The following ADAMTS17 variants were observed in gnomAD, a reference collection of about 807,000 sequenced individuals.
The protein encoded by ADAMTS17 is ADAM metallopeptidase with thrombospondin type 1 motif 17.
A neutral mutation model predicts 141.5 loss-of-function variants in ADAMTS17; 113 were observed. That is an observed-to-expected ratio of 0.80 (90% confidence interval 0.69 to 0.93). The LOEUF is 0.93. Ranked by LOEUF, ADAMTS17 falls within the 40% of genes least tolerant of loss-of-function variation. ADAMTS17 has a pLI of 0.00. For missense variants in ADAMTS17, 1,659 were observed against 1,517.9 expected (o/e 1.09, Z -1.54); for synonymous variants, 768 against 630.6 (o/e 1.22, Z -3.27).
intron 20 of ADAMTS17, among the ~76,000 whole-genome samples, chr15:99,986,583 C>T (rs2060591403): frequency 6.6e-6 from 1 of 152,172 alleles, no homozygotes; most frequent in African/African-American, 2.4e-5. Flanking sequence ...GGTCAACGAT[C>T]ACTTTCTTCT....
intron 15 of ADAMTS17, among the ~76,000 whole-genome samples, chr15:100,062,121 C>T (rs1165769618): frequency 3.3e-5 from 5 of 152,196 alleles, no homozygotes; most frequent in African/African-American, 1.2e-4. Context: ...AGAGTGACAG[C>T]TGGGACAGCT....
At chr15:100,133,051 G>C (rs950758168) in intron 11 of ADAMTS17, among the ~76,000 whole-genome samples, 163 bp downstream of exon 11, 1 of 152,226 alleles carries the variant, frequency 6.6e-6, no homozygotes, top group Non-Finnish European at 1.5e-5. Context: ...AGGTGATGTA[G>C]GCACCACTCT....
chr15:100,310,325 C>T (rs1288112003), intron 3 of ADAMTS17, among the ~76,000 whole-genome samples: 1 of 152,238 alleles, frequency 6.6e-6, no homozygotes, highest in Non-Finnish European at 1.5e-5. Flanking sequence ...CCCCCAAAAG[C>T]ACAGTGAGAG....
At chr15:100,051,830 T>A (rs545944834) in intron 16 of ADAMTS17, 99 bp from the exon 17 acceptor site, 1 of 1,475,438 alleles carries the variant, frequency 6.8e-7, no homozygotes, top group South Asian at 1.1e-5. Context: ...TGTTTCTTTA[T>A]GAGGGGTAAC....
At position 100,063,878 on chromosome 15, in the gene ADAMTS17, G is replaced by A. The variant is rs952476027; in HGVS notation, c.2138-9824C>T. The A allele has an allele frequency of 4.9e-6, 3 of 611,108 alleles. No homozygotes were observed. The African/African-American group carries it at 5.7e-5, about 12-fold the overall frequency. The allele number at this position is 611,108 out of a possible 1,614,324, so 37.9% of individuals were successfully genotyped here. On this transcript the variant is annotated intron_variant, in intron 15 of 21. Coordinates refer to ENST00000268070, the MANE Select transcript of ADAMTS17 (RefSeq NM_139057.4). ...CCCACAGTGGCTTCAGAAATGGAGG[G>A]CTGGCGCAGAAGAAGGAGGCTCTCC...
intron 7 of ADAMTS17, among the ~76,000 whole-genome samples, chr15:100,240,989 C>T (rs998764881): frequency 2.6e-5 from 4 of 152,108 alleles, no homozygotes; most frequent in African/African-American, 7.2e-5. Flanking sequence ...CCAAGCCCAC[C>T]TATTTTTTGT....
At chr15:100,191,342 C>A (rs921350661) in intron 8 of ADAMTS17, among the ~76,000 whole-genome samples, 3 of 152,248 alleles carry the variant, frequency 2.0e-5, no homozygotes, top group African/African-American at 4.8e-5. Flanking sequence ...TGAGCTCCAG[C>A]CAACAGCTGT....
intron 7 of ADAMTS17, among the ~76,000 whole-genome samples, chr15:100,228,484 A>G (rs1470978804): frequency 6.6e-6 from 1 of 152,202 alleles, no homozygotes; most frequent in Non-Finnish European, 1.5e-5. Context: ...TTATTGATCA[A>G]TTAGTGCATT....
At chr15:100,254,748 A>G (rs1270522044) in intron 6 of ADAMTS17, among the ~76,000 whole-genome samples, 2 of 152,240 alleles carry the variant, frequency 1.3e-5, no homozygotes, top group African/African-American at 4.8e-5. Context: ...GCAGAAACAG[A>G]AAAGCAAACA....
At chr15:100,195,613 C>CAAAAAAAAAAAAAAA (rs71287815) in intron 8 of ADAMTS17, among the ~76,000 whole-genome samples, 1 of 63,646 alleles carries the variant, frequency 1.6e-5, no homozygotes, top group Non-Finnish European at 3.0e-5. Flanking sequence ...TGTTTGGTCT[C>CAAAAAAAAAAAAAAA]AAAAAAAAAA....
Position 99,997,628 on chromosome 15 carries a change from G to T in ADAMTS17, c.2592-39C>A. ...GGAAAGAGAGAGAGAACGACTGGGT[G>T]AGAGGCCAGCCTCTCCGGAGGGCCT... On this transcript the variant is annotated intron_variant, in intron 18 of 21. Coordinates refer to ENST00000268070, the MANE Select transcript of ADAMTS17 (RefSeq NM_139057.4). The surrounding 1 kb of genome is among the most constrained non-coding windows in gnomAD (Gnocchi z 4.7). 6.2e-7 allele frequency: 1 copy of T among 1,610,780 alleles called. No individual in the cohort carries two copies. The highest frequency in any genetic ancestry group is 8.5e-7 in the Non-Finnish European group (1 of 1,179,292).
chr15:100,123,413 A>G (rs2219927), intron 12 of ADAMTS17, among the ~76,000 whole-genome samples: 152,110 of 152,338 alleles, frequency 1, 75,941 homozygotes, highest in Middle Eastern at 1. Flanking sequence ...AGGTGGGTCC[A>G]GTCTTTCCCT....
At chr15:100,228,397 C>T (rs2042374556) in intron 7 of ADAMTS17, among the ~76,000 whole-genome samples, 1 of 152,216 alleles carries the variant, frequency 6.6e-6, no homozygotes, top group South Asian at 2.1e-4. Context: ...ATCTCATCTG[C>T]TTTGCACATC....
intron 3 of ADAMTS17, among the ~76,000 whole-genome samples, chr15:100,329,924 C>T (rs1232923697): frequency 6.6e-6 from 1 of 152,214 alleles, no homozygotes; most frequent in Admixed American, 6.5e-5. Context: ...AACCAAGACA[C>T]ATTGTTTCCA....
At chr15:100,280,980 G>T (rs138876262) in intron 4 of ADAMTS17, among the ~76,000 whole-genome samples, 1 of 152,276 alleles carries the variant, frequency 6.6e-6, no homozygotes, top group East Asian at 1.9e-4. Context: ...GTAACAAGTG[G>T]CCCCATCACT....
chr15:99,986,610 C>T (rs1466528827), intron 20 of ADAMTS17, among the ~76,000 whole-genome samples: 2 of 152,178 alleles, frequency 1.3e-5, no homozygotes, highest in African/African-American at 2.4e-5. Flanking sequence ...TATAAGGGAA[C>T]ACTGTTCTCT....
At position 99,973,329 on chromosome 15, in the gene ADAMTS17, G is replaced by A. The variant is rs1394618021; in HGVS notation, c.*1073C>T. Reference sequence around the variant, plus strand: ...TTCCTCCCCTGGTCCTGGCACATCAGGCTGCTCCGTGCCAGGATAGAGCAG... The same window carrying A: ...TTCCTCCCCTGGTCCTGGCACATCAAGCTGCTCCGTGCCAGGATAGAGCAG... On this transcript the variant is annotated 3_prime_UTR_variant, in exon 22 of 22. Coordinates refer to ENST00000268070, the MANE Select transcript of ADAMTS17 (RefSeq NM_139057.4). 6.6e-6 allele frequency: 1 copy of A among 152,076 alleles called. No homozygotes were observed. Among genetic ancestry groups the A allele is most frequent in the Non-Finnish European group, 1.5e-5 (1 of 68,042 alleles). 9.4% of individuals were successfully genotyped at this position (152,076 alleles called of 1,614,324 possible).
In ADAMTS17 at chr15:100,308,756, C is replaced by G. The variant is rs916842547; in HGVS notation, c.616+22133G>C. 7.9e-5 allele frequency among the ~76,000 whole-genome samples: 12 copies of G among 152,252 alleles called. No individual in the cohort carries two copies. The East Asian group carries it at 2.3e-3, about 29-fold the overall frequency. On this transcript the variant is annotated intron_variant, in intron 3 of 21. Transcript: ENST00000268070. ...TTTCTCCACGAGACAACCCAGTGTA[C>G]ATCACCAGGGGAGTCTGACTAAGCA...
intron 7 of ADAMTS17, among the ~76,000 whole-genome samples, chr15:100,243,657 G>A (rs774193566): frequency 1.3e-5 from 2 of 152,122 alleles, no homozygotes; most frequent in Non-Finnish European, 2.9e-5. Context: ...AGGCGTAATG[G>A]CGCATGCCTG....
Sources: gnomAD v4.1 joint callset for allele counts (sites outside exome capture counted in the v4.1 genomes callset) on GRCh38, gnomAD v4.1.1 for gene constraint, Gnocchi (gnomAD v3.1) non-coding constraint, MANE v1.5 for transcripts, NCBI Gene and HGNC (gene_info 2026-07-23, HGNC 2026-07-21) for gene names.